Variants in TAFA1 observed in about 807,000 individuals in gnomAD.
TAFA1 encodes the protein TAFA chemokine like family member 1.
TAFA1 carries 4 observed loss-of-function variants against 18.5 expected under a neutral mutation model. That is an observed-to-expected ratio of 0.22 (90% CI 0.11 to 0.49). TAFA1 has a LOEUF of 0.49. TAFA1 is among the 20% of genes least tolerant of loss of function. TAFA1 has a pLI of 0.98. For missense variants in TAFA1, 147 were observed against 169.0 expected (o/e 0.87, Z 0.72); for synonymous variants, 56 against 55.2 (o/e 1.01, Z -0.06).
chr3:68,123,491 T>C (rs2065425180), intron 2 of TAFA1, among the ~76,000 whole-genome samples: 1 of 152,176 alleles, frequency 6.6e-6, no homozygotes, highest in Non-Finnish European at 1.5e-5. Context: ...CCCTACTATA[T>C]TGCCCAAGGA....
At chr3:68,499,717 G>A (rs760697264) in intron 3 of TAFA1, among the ~76,000 whole-genome samples, 10 of 151,808 alleles carry the variant, frequency 6.6e-5, no homozygotes, top group African/African-American at 2.4e-4. Flanking sequence ...AGAAATAAAC[G>A]TATGAATAAT....
At chr3:68,145,143 G>A (rs1595493) in intron 2 of TAFA1, 849,878 of 869,908 alleles carry the variant, frequency 0.98, 415,299 homozygotes, top group Admixed American at 0.99. Context: ...TGTTTGCTCC[G>A]TAATGACATG....
Position 68,544,522 on chromosome 3 carries a change from T to G in TAFA1, c.*19T>G, listed in dbSNP as rs769402644. The G allele has an allele frequency of 1.7e-5, 28 of 1,611,850 alleles. No homozygotes were observed. The South Asian group carries it at 3.0e-4, about 17-fold the overall frequency. On this transcript the variant is annotated 3_prime_UTR_variant, in exon 5 of 5. Coordinates refer to ENST00000478136, the MANE Select transcript of TAFA1 (RefSeq NM_213609.4). ...AACCTAACAGAAGCATTTGTGGTAG[T>G]AAAGGAAAACCAACCCTCTGGAAAA... is the stretch of plus-strand genomic sequence containing the variant.
At chr3:68,427,306 T>A (rs1034846995) in intron 3 of TAFA1, among the ~76,000 whole-genome samples, 4 of 151,788 alleles carry the variant, frequency 2.6e-5, no homozygotes, top group African/African-American at 9.7e-5. Flanking sequence ...ATCTAAGGAG[T>A]CAGCTCCTCA....
chr3:68,110,633 A>G (rs1421239779), intron 2 of TAFA1, among the ~76,000 whole-genome samples: 1 of 152,150 alleles, frequency 6.6e-6, no homozygotes, highest in Non-Finnish European at 1.5e-5. Flanking sequence ...GTAGGACAAT[A>G]TTTAGGTCAC....
intron 3 of TAFA1, among the ~76,000 whole-genome samples, chr3:68,532,099 G>A (rs552842766): frequency 6.6e-6 from 1 of 152,276 alleles, no homozygotes; most frequent in East Asian, 1.9e-4. Context: ...CAGATCCACA[G>A]AGGAGAAAGT....
At chr3:68,396,801 A>G (rs1211457270) in intron 2 of TAFA1, among the ~76,000 whole-genome samples, 1 of 152,212 alleles carries the variant, frequency 6.6e-6, no homozygotes, top group African/African-American at 2.4e-5. Flanking sequence ...TTCTATTAAA[A>G]TGCTGCTTTC....
At chr3:68,410,705 C>CAA (rs34714719) in intron 2 of TAFA1, among the ~76,000 whole-genome samples, 416 of 36,644 alleles carry the variant, frequency 0.011, 112 homozygotes, top group African/African-American at 0.021. Context: ...TTTCCATAAG[C>CAA]AAAAAAAAAA....
intron 2 of TAFA1, among the ~76,000 whole-genome samples, chr3:68,310,690 T>C (rs1370854247): frequency 6.6e-6 from 1 of 152,222 alleles, no homozygotes; most frequent in Non-Finnish European, 1.5e-5. Context: ...ATTTCTATGA[T>C]CAATATAATC....
chr3:68,397,872 T>A (rs2070414668), intron 2 of TAFA1, among the ~76,000 whole-genome samples: 1 of 152,214 alleles, frequency 6.6e-6, no homozygotes, highest in Non-Finnish European at 1.5e-5. Context: ...GCTCTTCAGT[T>A]TAATTAGATC....
rs752463266 is a variant in TAFA1 at position 68,266,921 on chromosome 3, G to A, written c.119-150359G>A. 6.2e-5 allele frequency among the ~76,000 whole-genome samples: 9 copies of A among 145,144 alleles called. No homozygotes were observed. In the South Asian group the frequency reaches 1.4e-3, roughly 22 times the overall value. ...TCTTTAATGAGGCACATCCACTCTT[G>A]GGCTCAGTCAAGCAAAAGAACCTTC... is the stretch of plus-strand genomic sequence containing the variant. On this transcript the variant is annotated intron_variant, in intron 2 of 4. Coordinates refer to ENST00000478136, the MANE Select transcript of TAFA1 (RefSeq NM_213609.4).
intron 2 of TAFA1, among the ~76,000 whole-genome samples, chr3:68,333,955 A>G (rs1419043319): frequency 2.0e-5 from 3 of 152,248 alleles, no homozygotes; most frequent in Admixed American, 2.0e-4. Flanking sequence ...AAAGAAGTCA[A>G]ACTCATAGAA....
At chr3:68,265,723 A>T (rs566941110) in intron 2 of TAFA1, among the ~76,000 whole-genome samples, 2 of 152,112 alleles carry the variant, frequency 1.3e-5, no homozygotes, top group Non-Finnish European at 2.9e-5. Context: ...GGCGCAAGAT[A>T]CTCAGATCCG....
At chr3:68,474,058 C>G (rs938279143) in intron 3 of TAFA1, among the ~76,000 whole-genome samples, 16 of 149,126 alleles carry the variant, frequency 1.1e-4, no homozygotes, top group South Asian at 2.2e-4. Flanking sequence ...CACCCCCCCC[C>G]CCAAGTAAAT....
intron 2 of TAFA1, among the ~76,000 whole-genome samples, chr3:68,336,637 T>C (rs2068973579): frequency 6.6e-6 from 1 of 152,232 alleles, no homozygotes; most frequent in African/African-American, 2.4e-5. Flanking sequence ...ATTATCATTG[T>C]AGGCTATTAA....
intron 3 of TAFA1, among the ~76,000 whole-genome samples, chr3:68,531,999 TTA>T (rs1212641878): frequency 6.6e-6 from 1 of 152,224 alleles, no homozygotes; most frequent in East Asian, 1.9e-4. Flanking sequence ...TATTTAAGAA[TTA>T]TTTATCTTTA....
intron 2 of TAFA1, among the ~76,000 whole-genome samples, chr3:68,205,617 G>A (rs556196890): frequency 4.9e-4 from 75 of 151,900 alleles, no homozygotes; most frequent in African/African-American, 1.8e-3. Context: ...ACTAGAAAAC[G>A]TCCCTAGATG....
At chr3:68,257,383 CCT>C (rs2067318661) in intron 2 of TAFA1, among the ~76,000 whole-genome samples, 1 of 151,840 alleles carries the variant, frequency 6.6e-6, no homozygotes. Flanking sequence ...GCTTGTTTAA[CCT>C]CTGTCTTCCC....
At chr3:68,093,352 G>T (rs1455658103) in intron 2 of TAFA1, among the ~76,000 whole-genome samples, 4 of 151,884 alleles carry the variant, frequency 2.6e-5, no homozygotes, top group African/African-American at 4.8e-5. Flanking sequence ...ACTACCTTTG[G>T]GTCTGAGCCA....
Sources: allele counts gnomAD v4.1 joint callset (sites outside exome capture counted in the v4.1 genomes callset), GRCh38; gene constraint gnomAD v4.1.1; transcripts MANE v1.5; gene names NCBI Gene and HGNC (gene_info 2026-07-23, HGNC 2026-07-21).